The following SLIT3 variants were observed in gnomAD, a reference collection of about 807,000 sequenced individuals.
SLIT3 encodes the protein slit homolog 3 protein.
SLIT3 carries 68 observed loss-of-function variants against 184.0 expected under a neutral mutation model. That is an observed-to-expected ratio of 0.37 (90% confidence interval 0.30 to 0.45). SLIT3 has a LOEUF of 0.45. Ranked by LOEUF, SLIT3 falls within the 20% of genes least tolerant of loss-of-function variation. SLIT3 has a pLI of 1.00. For missense variants in SLIT3, 1,707 were observed against 2,026.0 expected, an observed-to-expected ratio of 0.84 and a Z score of 3.02; for synonymous variants, 831 against 828.6, an observed-to-expected ratio of 1.00 and a Z score of -0.05.
chr5:169,094,849 T>C (rs1759719655), intron 4 of SLIT3, among the ~76,000 whole-genome samples: 1 of 152,234 alleles, frequency 6.6e-6, no homozygotes, highest in East Asian at 1.9e-4. Flanking sequence ...ACAGTTGCAT[T>C]TGCATCACAA....
chr5:168,786,123 A>G (rs969486011), intron 11 of SLIT3, 145 bp from the exon 12 acceptor site: 4 of 620,632 alleles, frequency 6.4e-6, no homozygotes, highest in Non-Finnish European at 1.1e-5. Context: ...CCTTCTCATC[A>G]GCGAGACAGA....
chr5:169,117,112 G>C (rs1760697366), intron 4 of SLIT3, among the ~76,000 whole-genome samples: 1 of 152,154 alleles, frequency 6.6e-6, no homozygotes, highest in African/African-American at 2.4e-5. Context: ...ACTGGAGGTG[G>C]CAGTCCTTCT....
rs569565740 is a variant in SLIT3, at chr5:169,265,350, T to C, written c.198-13891A>G. ...CATTTCAAATACAAATCTACAATTC[T>C]GGCTTGTCTCCAAAGGTCAGTCCAT... On this transcript the variant is annotated intron_variant, in intron 1 of 35. Coordinates refer to ENST00000519560, the MANE Select transcript of SLIT3 (RefSeq NM_003062.4). Among the ~76,000 whole-genome samples, 3 of 152,338 alleles carry C rather than the reference T, an allele frequency of 2.0e-5. No individual in the cohort carries two copies. In the East Asian group the frequency reaches 5.8e-4, roughly 29 times the overall value.
At chr5:168,751,560 C>T (rs1754712372) in intron 18 of SLIT3, among the ~76,000 whole-genome samples, 2 of 152,306 alleles carry the variant, frequency 1.3e-5, no homozygotes, top group East Asian at 3.9e-4. Flanking sequence ...ACAAGAGGCA[C>T]AGCCAGGATC....
At chr5:169,187,012 ATT>A (rs10600631) in intron 4 of SLIT3, among the ~76,000 whole-genome samples, 70,122 of 147,614 alleles carry the variant, frequency 0.48, 17,013 homozygotes, top group Middle Eastern at 0.6. Flanking sequence ...CCTCAGTGGC[ATT>A]TTTTTTTTTT....
At chr5:168,769,760 C>T (rs6877341) in intron 14 of SLIT3, among the ~76,000 whole-genome samples, 12,462 of 152,192 alleles carry the variant, frequency 0.082, 536 homozygotes, top group Admixed American at 0.098. Flanking sequence ...TTGGTTTCTT[C>T]CTACAAAAAG....
chr5:169,082,699 A>C (rs1241724976), intron 4 of SLIT3, among the ~76,000 whole-genome samples: 1 of 152,268 alleles, frequency 6.6e-6, no homozygotes, highest in African/African-American at 2.4e-5. Flanking sequence ...GGTTCAGCAC[A>C]TCCTGGCAAC....
chr5:169,116,418 G>A (rs1760665719), intron 4 of SLIT3, among the ~76,000 whole-genome samples: 1 of 152,096 alleles, frequency 6.6e-6, no homozygotes, highest in South Asian at 2.1e-4. Flanking sequence ...TGGCAATAGG[G>A]AGCCTTTAAA....
chr5:168,690,717 T>C (rs1163003681), intron 29 of SLIT3, among the ~76,000 whole-genome samples: 1 of 152,124 alleles, frequency 6.6e-6, no homozygotes, highest in Admixed American at 6.5e-5. Flanking sequence ...CCACCTGGCA[T>C]ATCTGAGGGG....
Position 169,300,279 on chromosome 5 carries a change from AC to A in SLIT3, c.197+233del, listed in dbSNP as rs1431497921. ...AGCGGGCCCTGCGTCTGGAACCCTCACCCCTGGAGAGGCACTGCTCTTTGCC... is the reference window on the plus strand; with the variant it reads ...AGCGGGCCCTGCGTCTGGAACCCTCACCCTGGAGAGGCACTGCTCTTTGCC... On this transcript the variant is annotated intron_variant, in intron 1 of 35. Coordinates refer to ENST00000519560, the MANE Select transcript of SLIT3 (RefSeq NM_003062.4). This position sits in a 1 kb window ranked among gnomAD's most constrained non-coding sequence, Gnocchi z 4.1. 2.0e-5 allele frequency among the ~76,000 whole-genome samples: 3 copies of A among 151,698 alleles called. No homozygotes were observed. Among genetic ancestry groups the A allele is most frequent in the Non-Finnish European group, 4.4e-5 (3 of 67,950 alleles).
intron 4 of SLIT3, among the ~76,000 whole-genome samples, chr5:168,908,268 G>A (rs1761143070): frequency 6.6e-6 from 1 of 152,102 alleles, no homozygotes; most frequent in Non-Finnish European, 1.5e-5. Context: ...AAGGGACAGT[G>A]TCTATGGCAG....
intron 4 of SLIT3, among the ~76,000 whole-genome samples, chr5:169,057,531 T>G (rs1359050752): frequency 6.6e-6 from 1 of 152,120 alleles, no homozygotes; most frequent in Non-Finnish European, 1.5e-5. Flanking sequence ...CAGAGGGGGA[T>G]GTAGAGGGTG....
intron 5 of SLIT3, among the ~76,000 whole-genome samples, chr5:168,870,589 G>A (rs1041096238): frequency 3.3e-5 from 5 of 152,112 alleles, no homozygotes; most frequent in Non-Finnish European, 5.9e-5. Context: ...ACCCTGCCAC[G>A]GAATTTTACC....
At chr5:168,962,172 A>T (rs1370203478) in intron 4 of SLIT3, among the ~76,000 whole-genome samples, 1 of 152,122 alleles carries the variant, frequency 6.6e-6, no homozygotes, top group Non-Finnish European at 1.5e-5. Context: ...AATGTCCCAC[A>T]GGCTCAGGGC....
At chr5:169,077,764 G>T (rs1434839431) in intron 4 of SLIT3, among the ~76,000 whole-genome samples, 1 of 150,298 alleles carries the variant, frequency 6.7e-6, no homozygotes, top group Non-Finnish European at 1.5e-5. Context: ...GGAGAGATGG[G>T]TTATCACTTG....
intron 1 of SLIT3, among the ~76,000 whole-genome samples, chr5:169,278,655 G>T (rs989456211): frequency 1.4e-4 from 22 of 152,212 alleles, no homozygotes; most frequent in African/African-American, 5.1e-4. Context: ...TGGGAAAACA[G>T]AAGTGGCTCC....
At chr5:169,217,146 A>C (rs868472253) in intron 3 of SLIT3, among the ~76,000 whole-genome samples, 1 of 134,024 alleles carries the variant, frequency 7.5e-6, no homozygotes, top group Non-Finnish European at 1.7e-5. Context: ...AAAAAAAAAA[A>C]AAAAAACTTA....
chr5:169,214,842 A>G (rs2113519362), intron 3 of SLIT3, among the ~76,000 whole-genome samples: 1 of 152,206 alleles, frequency 6.6e-6, no homozygotes, highest in South Asian at 2.1e-4. Flanking sequence ...TTCACTTGAC[A>G]CTCATGATGT....
At chr5:168,763,494 A>G in intron 14 of SLIT3, among the ~76,000 whole-genome samples, 1 of 152,214 alleles carries the variant, frequency 6.6e-6, no homozygotes, top group Non-Finnish European at 1.5e-5. Context: ...TTCAGAGCAC[A>G]TTCTACATAA....
Sources: allele counts gnomAD v4.1 joint callset (sites outside exome capture counted in the v4.1 genomes callset), GRCh38; gene constraint gnomAD v4.1.1; non-coding constraint Gnocchi (gnomAD v3.1); transcripts MANE v1.5; gene names NCBI Gene and HGNC (gene_info 2026-07-23, HGNC 2026-07-21).